TJP1: variants seen among roughly 807,000 people sequenced by gnomAD.
TJP1 encodes tight junction protein 1, also known as tight junction protein ZO-1.
TJP1 carries 43 observed loss-of-function variants against 194.2 expected under a neutral mutation model. The observed-to-expected ratio is 0.22, with a 90% CI of 0.17 to 0.29. The LOEUF is 0.29. Among genes scored for constraint, TJP1 ranks in the 10% least tolerant of loss-of-function variants. The pLI is 1.00. For synonymous variants in TJP1, 801 were observed against 779.0 expected (o/e 1.03, Z -0.47); for missense variants, 1,971 against 2,185.7 (o/e 0.90, Z 1.96).
At chr15:29,725,394 T>C (rs927217657) in intron 18 of TJP1, among the ~76,000 whole-genome samples, 3 of 152,170 alleles carry the variant, frequency 2.0e-5, no homozygotes, top group African/African-American at 7.2e-5. Flanking sequence ...GCATGCAGCA[T>C]GCACTGTCAG....
At chr15:29,773,532 C>T (rs1375632395) in intron 2 of TJP1, among the ~76,000 whole-genome samples, 175 bp from the exon 3 acceptor site, 1 of 152,176 alleles carries the variant, frequency 6.6e-6, no homozygotes, top group Non-Finnish European at 1.5e-5. Flanking sequence ...AGAATGCATG[C>T]TCTAATAACT....
At chr15:29,926,305 T>C (rs1232832592) in intron 2 of TJP1, among the ~76,000 whole-genome samples, 1 of 152,066 alleles carries the variant, frequency 6.6e-6, no homozygotes, top group Non-Finnish European at 1.5e-5. Context: ...ACCTATCAAA[T>C]AGTAAAGAAG....
At chr15:29,740,862 T>G (rs950750271) in intron 10 of TJP1, among the ~76,000 whole-genome samples, 1 of 151,972 alleles carries the variant, frequency 6.6e-6, no homozygotes, top group South Asian at 2.1e-4. Context: ...CTAGAGATAA[T>G]TCTAATTGTC....
At chr15:29,842,436 C>G (rs1455316112) in intron 2 of TJP1, among the ~76,000 whole-genome samples, 1 of 22,358 alleles carries the variant, frequency 4.5e-5, no homozygotes, top group Admixed American at 6.6e-4. Flanking sequence ...CAACCCTGGA[C>G]AGTATGCCAT....
intron 2 of TJP1, among the ~76,000 whole-genome samples, chr15:29,855,055 T>C (rs1291898043): frequency 1.3e-5 from 2 of 152,198 alleles, no homozygotes; most frequent in Admixed American, 6.5e-5. Flanking sequence ...TTCCACTGTA[T>C]ACCAGAAACA....
At chr15:29,841,793 A>G (rs76904300) in intron 2 of TJP1, among the ~76,000 whole-genome samples, 3,297 of 151,484 alleles carry the variant, frequency 0.022, 121 homozygotes, top group African/African-American at 0.076. Flanking sequence ...TACAACCTAT[A>G]TATTTCTTGA....
At chr15:29,794,615 A>C (rs1369021186) in intron 2 of TJP1, among the ~76,000 whole-genome samples, 1 of 152,352 alleles carries the variant, frequency 6.6e-6, no homozygotes, top group East Asian at 1.9e-4. Flanking sequence ...TGGCAAATAC[A>C]TTTAGTATTT....
intron 2 of TJP1, among the ~76,000 whole-genome samples, chr15:29,955,262 A>G (rs187884248): frequency 2.6e-5 from 4 of 152,344 alleles, no homozygotes; most frequent in Admixed American, 2.0e-4. Flanking sequence ...AGAAATGAAC[A>G]TATCAGGTCT....
In TJP1 at chr15:29,908,926, G is replaced by T. The variant is rs533134121; in HGVS notation, c.306+47306C>A. ...TCCCAGCACTTTGGGAGGCCAAGGC[G>T]GGCGGATCACGAGATCAGGAGATCG... is the stretch of plus-strand genomic sequence containing the variant. On this transcript the variant is annotated intron_variant, in intron 2 of 28. Transcript: ENST00000356107. Among the ~76,000 whole-genome samples the T allele has an allele frequency of 3.3e-5, 5 of 152,154 alleles. No homozygotes were observed. In the South Asian group the frequency reaches 1.0e-3, roughly 32 times the overall value.
At chr15:29,766,595 T>C in intron 4 of TJP1, 53 bp from the exon 5 acceptor site, 2 of 1,494,666 alleles carry the variant, frequency 1.3e-6, no homozygotes, top group South Asian at 1.4e-5. Context: ...TATATGTACG[T>C]TCAGTTCCAA....
intron 2 of TJP1, among the ~76,000 whole-genome samples, chr15:29,784,446 C>T (rs140966734): frequency 0.029 from 4,379 of 152,076 alleles, 80 homozygotes; most frequent in Middle Eastern, 0.041. Flanking sequence ...ATTACAGGTG[C>T]CCACCACCAA....
At chr15:29,742,802 A>G in intron 8 of TJP1, 21 bp from the exon 9 acceptor site, 1 of 1,566,110 alleles carries the variant, frequency 6.4e-7, no homozygotes, top group Non-Finnish European at 8.6e-7. Flanking sequence ...TTAAAATAAA[A>G]AATCAAGAGC....
At chr15:29,761,352 A>G in intron 7 of TJP1, 66 bp from the exon 8 acceptor site, 1 of 1,564,846 alleles carries the variant, frequency 6.4e-7, no homozygotes, top group South Asian at 1.2e-5. Flanking sequence ...AAGGTACTCC[A>G]GTAATAATGA....
chr15:29,920,872 A>G (rs1353778541), intron 2 of TJP1, among the ~76,000 whole-genome samples: 1 of 152,226 alleles, frequency 6.6e-6, no homozygotes, highest in South Asian at 2.1e-4. Context: ...AATATCTAAC[A>G]GTTTAAAAAT....
In TJP1 at chr15:29,762,393, G is replaced by A. The variant is rs1363186917; in HGVS notation, c.635C>T (p.Ser212Leu). 1 of 1,613,636 alleles carries A rather than the reference G, an allele frequency of 6.2e-7. No homozygotes were observed. Among genetic ancestry groups the A allele is most frequent in the South Asian group, 1.1e-5 (1 of 91,056 alleles). The part of the protein sequence containing the change: ...LASHIFVKEI[S>L]QDSLAARDGN... ...ATCTCTTGCTGCCAAACTATCTTGTGAAATTTCCTTAACAAATATATGGCT... is the reference window on the plus strand; with the variant it reads ...ATCTCTTGCTGCCAAACTATCTTGTAAAATTTCCTTAACAAATATATGGCT... The change falls in exon 6 of 28, where the codon TCA becomes TTA. Residue 212 changes from serine to leucine, a missense_variant. Around this residue, in one of 5 missense-constraint regions of TJP1, gnomAD observed 245 missense variants for 336.6 expected, o/e 0.73. Transcript: ENST00000614355.
chr15:29,772,164 T>C lies in TJP1; in HGVS notation c.212A>G (p.Glu71Gly). 1 of 1,590,974 alleles carries C rather than the reference T, an allele frequency of 6.3e-7. No individual in the cohort carries two copies. Reference sequence around the variant, plus strand: ...GTTAACCATTGCAACTCGGTCATTTTCCCTAAGGGGAAAAGGGCACAAAAT... The same window carrying C: ...GTTAACCATTGCAACTCGGTCATTTCCCCTAAGGGGAAAAGGGCACAAAAT... ...KGGPAEGQLQ[E>G]NDRVAMVNGV... Residue 71 changes from glutamate (E) to glycine (G), a missense_variant and splice_region_variant, in exon 4 of 28, where the codon GAA becomes GGA. Glu to Gly is a moderately conservative substitution (Grantham distance 98, BLOSUM62 -2). This residue lies in a region of TJP1 where 245 missense variants were observed against 336.6 expected (regional missense o/e 0.73). Coordinates refer to ENST00000614355, the MANE Select transcript of TJP1 (RefSeq NM_001330239.4).
chr15:29,766,567 T>A, intron 4 of TJP1, 25 bp from the exon 5 acceptor site: 1 of 1,521,700 alleles, frequency 6.6e-7, no homozygotes, highest in African/African-American at 1.4e-5. Context: ...GGTTAAAAAA[T>A]AAGTTGACTG....
At position 29,766,692 on chromosome 15, in the gene TJP1, G is replaced by T. The variant is rs139228887; in HGVS notation, c.313-150C>A. ...CAAACAACTACAACAAATTTCTAAG[G>T]AATACATTTCCATAAAGGCTGTGTT... On this transcript the variant is annotated intron_variant, in intron 4 of 27. Coordinates refer to ENST00000614355, the MANE Select transcript of TJP1 (RefSeq NM_001330239.4). 818 of 734,110 alleles carry T rather than the reference G, an allele frequency of 1.1e-3. 6 individuals carry two copies. The African/African-American group carries it at 0.014, about 12-fold the overall frequency. 45.5% of individuals were successfully genotyped at this position (734,110 alleles called of 1,614,324 possible).
rs140047620 is a variant in TJP1, at chr15:29,741,517, A to G, written c.1151-81T>C. On this transcript the variant is annotated intron_variant, in intron 9 of 27. Transcript: ENST00000614355. Reference sequence around the variant, plus strand: ...CAAGCAACCAAGCAATATATGATTCATAAGTTCAGAGAACCTGATGAGGAA... The same window carrying G: ...CAAGCAACCAAGCAATATATGATTCGTAAGTTCAGAGAACCTGATGAGGAA... The G allele has an allele frequency of 1.5e-4, 137 of 897,984 alleles. 2 individuals are homozygous for G. Among genetic ancestry groups the G allele is most frequent in the Non-Finnish European group, 1.2e-4 (67 of 555,818 alleles). The allele number at this position is 897,984 out of a possible 1,614,324, so 55.6% of individuals were successfully genotyped here. A position where few individuals can be genotyped will look rare whatever the true frequency, so the allele number is the denominator to read the frequency against.
Sources: allele counts gnomAD v4.1 joint callset (sites outside exome capture counted in the v4.1 genomes callset), GRCh38; gene constraint gnomAD v4.1.1; regional missense constraint gnomAD v4.1.1; transcripts MANE v1.5; gene names NCBI Gene and HGNC (gene_info 2026-07-23, HGNC 2026-07-21).